REEP1: variants seen among roughly 807,000 people sequenced by gnomAD.
REEP1 encodes receptor accessory protein 1.
REEP1 carries 22 observed loss-of-function variants against 40.3 expected under a neutral mutation model. That is an observed-to-expected ratio of 0.55 (90% CI 0.39 to 0.78). REEP1 has a LOEUF of 0.78. Ranked by LOEUF, REEP1 falls within the 30% of genes least tolerant of loss-of-function variation. The pLI, the probability that REEP1 is intolerant of heterozygous loss-of-function variation, is 0.00. For synonymous variants in REEP1, 116 were observed against 139.2 expected (o/e 0.83, Z 1.17); for missense variants, 280 against 361.1 (o/e 0.78, Z 1.82).
chr2:86,317,773 T>C (rs1195451247), intron 1 of REEP1, among the ~76,000 whole-genome samples: 4 of 152,230 alleles, frequency 2.6e-5, no homozygotes, highest in Admixed American at 2.6e-4. Context: ...TGTGATGAAA[T>C]AAGTAGCACT....
chr2:86,250,862 C>T (rs1182608170), intron 5 of REEP1, among the ~76,000 whole-genome samples: 2 of 152,152 alleles, frequency 1.3e-5, no homozygotes, highest in Non-Finnish European at 2.9e-5. Context: ...TGGTTCAGGG[C>T]AAGGAAAACC....
chr2:86,288,044 T>A (rs187391676), intron 1 of REEP1, among the ~76,000 whole-genome samples: 1 of 148,408 alleles, frequency 6.7e-6, no homozygotes, highest in African/African-American at 2.6e-5. Flanking sequence ...TTTTTTGAGA[T>A]GGAGTCTCGC....
At chr2:86,295,161 T>C (rs1678917858) in intron 1 of REEP1, among the ~76,000 whole-genome samples, 1 of 152,220 alleles carries the variant, frequency 6.6e-6, no homozygotes. Context: ...GTCAGGACAA[T>C]CAGGGAACAA....
intron 1 of REEP1, among the ~76,000 whole-genome samples, chr2:86,313,000 CT>C (rs899263556): frequency 2.8e-5 from 4 of 144,590 alleles, no homozygotes; most frequent in Admixed American, 2.0e-4. Context: ...TCTTCTTCTG[CT>C]TTTTTTTTCT....
At chr2:86,217,696 A>ATTTTTTTTTTTT (rs1553456174) in intron 8 of REEP1, among the ~76,000 whole-genome samples, 1 of 104,562 alleles carries the variant, frequency 9.6e-6, no homozygotes, top group African/African-American at 4.3e-5. Flanking sequence ...AGATTTTGGG[A>ATTTTTTTTTTTT]TGTTTGCATA....
Position 86,233,478 on chromosome 2 carries a change from G to C in REEP1, c.418-676C>G, listed in dbSNP as rs189916790. 1.1e-4 allele frequency among the ~76,000 whole-genome samples: 17 copies of C among 152,254 alleles called. 1 individual carries two copies. In the South Asian group the frequency reaches 3.3e-3, roughly 30 times the overall value. On this transcript the variant is annotated intron_variant, in intron 5 of 8. Coordinates refer to ENST00000538924, the MANE Select transcript of REEP1 (RefSeq NM_001371279.1). ...ATTGTAACCATTTCATATTCTGAGGGAGACAGAGAATTAATCTCGGGGGGA... is the reference window on the plus strand; with the variant it reads ...ATTGTAACCATTTCATATTCTGAGGCAGACAGAGAATTAATCTCGGGGGGA...
intron 5 of REEP1, among the ~76,000 whole-genome samples, chr2:86,233,187 C>CAAA (rs1469334720): frequency 2.0e-5 from 3 of 152,234 alleles, no homozygotes; most frequent in Admixed American, 6.5e-5. Context: ...TAAAAATCCA[C>CAAA]ATGTATCTCC....
chr2:86,220,238 A>G (rs895533549), intron 7 of REEP1, 117 bp from the exon 8 acceptor site: 9 of 620,674 alleles, frequency 1.5e-5, no homozygotes, highest in African/African-American at 1.3e-4. Context: ...GCCTGTGAGG[A>G]CAGCTGAGGC....
At chr2:86,289,522 G>A (rs1191841083) in intron 1 of REEP1, among the ~76,000 whole-genome samples, 1 of 151,602 alleles carries the variant, frequency 6.6e-6, no homozygotes, top group Non-Finnish European at 1.5e-5. Context: ...GGCTATTCTT[G>A]ACCCTTTGTT....
At chr2:86,284,313 A>G (rs1397543109) in intron 1 of REEP1, among the ~76,000 whole-genome samples, 1 of 148,894 alleles carries the variant, frequency 6.7e-6, no homozygotes, top group African/African-American at 2.5e-5. Flanking sequence ...CACTGTATCC[A>G]CTTGGTCAGC....
chr2:86,271,196 A>C (rs1677428023), intron 2 of REEP1, among the ~76,000 whole-genome samples: 1 of 152,164 alleles, frequency 6.6e-6, no homozygotes, highest in African/African-American at 2.4e-5. Flanking sequence ...TGTCTCAAAC[A>C]AAAAAATAAA....
chr2:86,221,745 A>G (rs1674440323), intron 7 of REEP1, among the ~76,000 whole-genome samples: 1 of 152,158 alleles, frequency 6.6e-6, no homozygotes, highest in South Asian at 2.1e-4. Flanking sequence ...CCACTCATCA[A>G]CTAAACTAAA....
At chr2:86,336,799 T>A (rs1348815784) in intron 1 of REEP1, 3 of 152,450 alleles carry the variant, frequency 2.0e-5, no homozygotes, top group Non-Finnish European at 4.4e-5. Context: ...CTTGAAAATT[T>A]CCCGTGCATT....
At chr2:86,228,760 C>T (rs1674858684) in intron 6 of REEP1, among the ~76,000 whole-genome samples, 1 of 152,036 alleles carries the variant, frequency 6.6e-6, no homozygotes, top group Non-Finnish European at 1.5e-5. Flanking sequence ...GCCTGGCAAC[C>T]CTTTTTATGT....
chr2:86,323,266 A>G (rs1162444756), intron 1 of REEP1, among the ~76,000 whole-genome samples: 1 of 152,256 alleles, frequency 6.6e-6, no homozygotes, highest in Non-Finnish European at 1.5e-5. Context: ...ATGCTAGTCC[A>G]ATAAAAATGA....
chr2:86,272,313 C>T (rs1677503474), intron 2 of REEP1, among the ~76,000 whole-genome samples: 1 of 152,244 alleles, frequency 6.6e-6, no homozygotes, highest in South Asian at 2.1e-4. Context: ...TCTACTTTCT[C>T]ATTCCTCACT....
At chr2:86,249,740 C>A (rs568404303) in intron 5 of REEP1, among the ~76,000 whole-genome samples, 7 of 152,302 alleles carry the variant, frequency 4.6e-5, no homozygotes, top group African/African-American at 1.7e-4. Context: ...CTATGGAAAC[C>A]ACTGATGTAC....
chr2:86,271,330 A>AT (rs1677435782), intron 2 of REEP1, among the ~76,000 whole-genome samples: 2 of 151,604 alleles, frequency 1.3e-5, no homozygotes, highest in African/African-American at 4.8e-5. Flanking sequence ...AAAAAAAAAA[A>AT]GAAAGAAAAG....
At chr2:86,294,976 G>A (rs1482586646) in intron 1 of REEP1, among the ~76,000 whole-genome samples, 3 of 152,114 alleles carry the variant, frequency 2.0e-5, no homozygotes, top group African/African-American at 7.2e-5. Context: ...AGGATTGTGT[G>A]AAACAAAGGA....
Sources: allele counts gnomAD v4.1 joint callset (sites outside exome capture counted in the v4.1 genomes callset), GRCh38; gene constraint gnomAD v4.1.1; transcripts MANE v1.5; gene names NCBI Gene and HGNC (gene_info 2026-07-23, HGNC 2026-07-21).